Variants in MCF2L observed in about 807,000 individuals in gnomAD.
MCF2L encodes guanine nucleotide exchange factor DBS.
MCF2L carries 97 observed loss-of-function variants against 153.4 expected under a neutral mutation model. The observed-to-expected ratio is 0.63, with a 90% CI of 0.54 to 0.75. MCF2L has a LOEUF of 0.75. Among genes scored for constraint, MCF2L ranks in the 30% least tolerant of loss-of-function variants. MCF2L has a pLI of 0.00. For synonymous variants in MCF2L, 659 were observed against 632.2 expected, an observed-to-expected ratio of 1.04 and a Z score of -0.64; for missense variants, 1,347 against 1,495.2, an observed-to-expected ratio of 0.90 and a Z score of 1.64.
chr13:112,909,047 C>T (rs61961620), intron 2 of MCF2L, among the ~76,000 whole-genome samples: 4,154 of 152,294 alleles, frequency 0.027, 131 homozygotes, highest in Non-Finnish European at 0.03. Flanking sequence ...ATCCATGCTG[C>T]TCTCGGCTTT....
chr13:113,060,489 G>T, intron 4 of MCF2L, 104 bp from the exon 5 acceptor site: 3 of 1,414,954 alleles, frequency 2.1e-6, no homozygotes, highest in South Asian at 2.6e-5. Flanking sequence ...ATGCCTGGCC[G>T]CTAGCTGCGC....
Position 112,904,458 on chromosome 13 carries a change from T to C in MCF2L, c.169+2087T>C, listed in dbSNP as rs1050525226. 2.0e-5 allele frequency among the ~76,000 whole-genome samples: 3 copies of C among 152,176 alleles called. No individual in the cohort carries two copies. Among genetic ancestry groups the C allele is most frequent in the African/African-American group, 7.2e-5 (3 of 41,434 alleles). On this transcript the variant is annotated intron_variant, in intron 2 of 29. Coordinates refer to the MCF2L transcript ENST00000375608. The surrounding 1 kb of genome is among the most constrained non-coding windows in gnomAD (Gnocchi z 4.2). Reference sequence around the variant, plus strand: ...GCAGTAGTAGCATCCAGGCAGCTGCTGTGAGGAGCCCAGACATGTGGCTGG... The same window carrying C: ...GCAGTAGTAGCATCCAGGCAGCTGCCGTGAGGAGCCCAGACATGTGGCTGG...
intron 2 of MCF2L, chr13:112,917,119 C>G (rs548183153): frequency 2.1e-6 from 1 of 471,162 alleles, no homozygotes; most frequent in Non-Finnish European, 4.4e-6. Context: ...CTCAGCCCCT[C>G]GGCGATCTCA....
chr13:113,030,953 C>T (rs1279380534), intron 3 of MCF2L, among the ~76,000 whole-genome samples: 3 of 152,178 alleles, frequency 2.0e-5, no homozygotes, highest in South Asian at 2.1e-4. Flanking sequence ...AAAATTGTGG[C>T]GCTGAGACAA....
chr13:113,086,076 C>T, intron 20 of MCF2L, 48 bp from the exon 21 acceptor site: 3 of 1,572,300 alleles, frequency 1.9e-6, no homozygotes, highest in Non-Finnish European at 2.6e-6. Flanking sequence ...CCAGGGGAGC[C>T]AGGGCTCTCC....
intron 3 of MCF2L, among the ~76,000 whole-genome samples, chr13:113,026,604 G>C (rs76539330): frequency 0.016 from 2,431 of 152,300 alleles, 65 homozygotes; most frequent in African/African-American, 0.056. Flanking sequence ...GAGGGCTTCT[G>C]TGTTCTTAAT....
chr13:113,044,405 C>T (rs1318256497), intron 3 of MCF2L: 2 of 402,848 alleles, frequency 5.0e-6, no homozygotes, highest in Non-Finnish European at 9.4e-6. Context: ...TAATGATGCT[C>T]ACAGAGAGCG....
chr13:113,084,938 G>A lies in MCF2L; in HGVS notation c.2108G>A (p.Arg703His), dbSNP rs774936427. ...GAGAAGTACTGTCAGAACAAGCCCCGCTCTGAGAGCCTGTGGAGACAGTGC... is the reference window on the plus strand; with the variant it reads ...GAGAAGTACTGTCAGAACAAGCCCCACTCTGAGAGCCTGTGGAGACAGTGC... ...IYEKYCQNKP[R>H]SESLWRQCSD... Residue 703 changes from arginine (R) to histidine (H), a missense_variant, in exon 19 of 30, where the codon CGC becomes CAC. Physicochemically the swap from Arg to His is conservative, Grantham distance 29. Transcript: ENST00000535094. 7.4e-6 allele frequency: 12 copies of A among 1,614,044 alleles called. No individual in the cohort carries two copies. Among genetic ancestry groups the A allele is most frequent in the Middle Eastern group, 1.6e-4 (1 of 6,062 alleles).
chr13:112,969,749 C>T lies in MCF2L; in HGVS notation c.79+291C>T, dbSNP rs1211689174. Among the ~76,000 whole-genome samples the T allele has an allele frequency of 3.3e-5, 5 of 152,154 alleles. No homozygotes were observed. The East Asian group carries it at 9.6e-4, about 29-fold the overall frequency. ...TGTCTGAAGTCTGCCCATCAACCTG[C>T]CTGTCCGCAGCCCTCGCAATGGAGA... On this transcript the variant is annotated intron_variant, in intron 1 of 29. Coordinates refer to ENST00000535094, the MANE Select transcript of MCF2L (RefSeq NM_001112732.3). The surrounding 1 kb of genome is among the most constrained non-coding windows in gnomAD (Gnocchi z 4.8).
chr13:113,092,157 C>T (rs959786982), intron 26 of MCF2L, among the ~76,000 whole-genome samples: 5 of 152,258 alleles, frequency 3.3e-5, no homozygotes, highest in African/African-American at 1.2e-4. Context: ...CGCTTGTGAA[C>T]TGGAGTCGGC....
At chr13:113,063,259 T>A (rs1272265795) in intron 5 of MCF2L, among the ~76,000 whole-genome samples, 2 of 152,096 alleles carry the variant, frequency 1.3e-5, no homozygotes, top group Non-Finnish European at 2.9e-5. Flanking sequence ...TCCACACAGG[T>A]CCGAAGCCAG....
At chr13:112,962,192 C>T (rs1374401909) in intron 2 of MCF2L, among the ~76,000 whole-genome samples, 1 of 149,658 alleles carries the variant, frequency 6.7e-6, no homozygotes, top group Non-Finnish European at 1.5e-5. Flanking sequence ...CACGCATGCA[C>T]AAACATGCTC....
exon 1 of MCF2L, chr13:112,894,427 G>C (rs1356497202): frequency 6.6e-6 from 1 of 151,586 alleles, no homozygotes; most frequent in Non-Finnish European, 1.5e-5. Flanking sequence ...CACCACGGGC[G>C]GCAGGTGCGC....
intron 13 of MCF2L, 51 bp from the exon 14 acceptor site, chr13:113,078,312 C>T (rs764022085): frequency 4.1e-5 from 61 of 1,474,890 alleles, no homozygotes; most frequent in Non-Finnish European, 4.7e-5. Flanking sequence ...CACTTCCCCT[C>T]TCCAGAGGGT....
chr13:112,980,342 G>T (rs1184867572), intron 1 of MCF2L, among the ~76,000 whole-genome samples: 2 of 152,254 alleles, frequency 1.3e-5, no homozygotes, highest in Admixed American at 6.5e-5. Flanking sequence ...GCTGATTTCC[G>T]CTCCATCCTG....
chr13:113,079,873 G>T (rs75023143), intron 15 of MCF2L, among the ~76,000 whole-genome samples: 1 of 106,654 alleles, frequency 9.4e-6, no homozygotes, highest in East Asian at 3.1e-4. Flanking sequence ...AGGCAGAGGG[G>T]CATCCGCACA....
chr13:113,064,500 G>A lies in MCF2L; in HGVS notation c.606+80G>A, dbSNP rs113947757. ...AGAATCGCTCTTGCATTACAACACG[G>A]CCCTTTCCAAAAACACATTCACATT... On this transcript the variant is annotated intron_variant, in intron 6 of 29. Transcript: ENST00000535094. The surrounding 1 kb of genome is among the most constrained non-coding windows in gnomAD (Gnocchi z 6.0). The A allele has an allele frequency of 6.7e-4, 588 of 880,842 alleles. 1 individual carries two copies. The African/African-American group carries it at 8.5e-3, about 13-fold the overall frequency. 54.6% of individuals were successfully genotyped at this position (880,842 alleles called of 1,614,324 possible).
chr13:113,086,302 C>T, intron 21 of MCF2L, 53 bp downstream of exon 21: 7 of 1,592,024 alleles, frequency 4.4e-6, no homozygotes, highest in Non-Finnish European at 6.0e-6. Context: ...AATACACCAG[C>T]CCAGCAACTT....
intron 2 of MCF2L, chr13:112,902,407 C>G: frequency 1.3e-6 from 2 of 1,599,918 alleles, no homozygotes; most frequent in South Asian, 2.2e-5. Flanking sequence ...TTTGATTTTG[C>G]AGGTCTCACT....
Sources: gnomAD v4.1 joint callset for allele counts (sites outside exome capture counted in the v4.1 genomes callset) on GRCh38, gnomAD v4.1.1 for gene constraint, Gnocchi (gnomAD v3.1) non-coding constraint, MANE v1.5 for transcripts, NCBI Gene and HGNC (gene_info 2026-07-23, HGNC 2026-07-21) for gene names.